Variants in LOXL1 observed in about 807,000 individuals in gnomAD.
LOXL1 encodes lysyl oxidase homolog 1.
A neutral mutation model predicts 62.2 loss-of-function variants in LOXL1; 31 were observed. That is an observed-to-expected ratio of 0.50 (90% CI 0.37 to 0.67). The LOEUF (loss-of-function observed/expected upper bound fraction) is 0.67, where lower values mean the gene tolerates loss of function less well. Among genes scored for constraint, LOXL1 ranks in the 30% least tolerant of loss-of-function variants. The pLI, the probability that LOXL1 is intolerant of heterozygous loss-of-function variation, is 0.00. For synonymous variants in LOXL1, 403 were observed against 384.4 expected (o/e 1.05, Z -0.56); for missense variants, 775 against 843.4 (o/e 0.92, Z 1.00).
intron 5 of LOXL1, among the ~76,000 whole-genome samples, 156 bp from the exon 6 acceptor site, chr15:73,949,303 T>A (rs2068768145): frequency 6.6e-6 from 1 of 152,202 alleles, no homozygotes; most frequent in South Asian, 2.1e-4. Context: ...GCCTCTTCTT[T>A]CCCCTCTGTG....
intron 5 of LOXL1, 146 bp from the exon 6 acceptor site, chr15:73,949,313 G>GTC: frequency 3.0e-6 from 2 of 664,478 alleles, no homozygotes; most frequent in Non-Finnish European, 5.5e-6. Context: ...TCCCCTCTGT[G>GTC]TCTCTCTAGC....
At chr15:73,951,102 G>T (rs2068782200) in intron 6 of LOXL1, among the ~76,000 whole-genome samples, 1 of 152,230 alleles carries the variant, frequency 6.6e-6, no homozygotes, top group South Asian at 2.1e-4. Flanking sequence ...GAAGGAAGAA[G>T]GGGGTATCCA....
intron 4 of LOXL1, chr15:73,947,452 A>G: frequency 1.9e-6 from 1 of 524,712 alleles, no homozygotes; most frequent in South Asian, 3.0e-5. Context: ...TCGTGGAGAG[A>G]AGGAAACATC....
chr15:73,939,609 G>A (rs1476085900), intron 1 of LOXL1, among the ~76,000 whole-genome samples: 1 of 152,214 alleles, frequency 6.6e-6, no homozygotes, highest in Non-Finnish European at 1.5e-5. Context: ...GGCGGAGGCG[G>A]GGAGAGGACT....
chr15:73,945,340 C>G lies in LOXL1; in HGVS notation c.1212-1077C>G, dbSNP rs2068740737. On this transcript the variant is annotated intron_variant, in intron 2 of 6. Coordinates refer to ENST00000261921, the MANE Select transcript of LOXL1 (RefSeq NM_005576.4). The surrounding 1 kb of genome is among the most constrained non-coding windows in gnomAD (Gnocchi z 4.3). ...AGATGGTATCGGGCTGTGCTGCAGT[C>G]AGTGCTGTTAGAGCTCACAGGCAAT... Among the ~76,000 whole-genome samples, 1 of 152,190 alleles carries G rather than the reference C, an allele frequency of 6.6e-6. No homozygotes were observed. The highest frequency in any genetic ancestry group is 2.1e-4 in the South Asian group (1 of 4,830).
intron 1 of LOXL1, among the ~76,000 whole-genome samples, chr15:73,941,004 C>A (rs550609471): frequency 3.3e-5 from 5 of 152,100 alleles, no homozygotes; most frequent in Admixed American, 2.0e-4. Flanking sequence ...GCTGGGTCTC[C>A]TGAGTCTTAA....
rs747730813 is a variant in LOXL1, at chr15:73,927,562, T to TGCCGCC, written c.792_797dup (p.Pro266_Pro267dup). 1.2e-5 allele frequency: 15 copies of TGCCGCC among 1,240,742 alleles called. No homozygotes were observed. Among genetic ancestry groups the TGCCGCC allele is most frequent in the Admixed American group, 1.0e-4 (4 of 39,526 alleles). The allele number at this position is 1,240,742 out of a possible 1,614,324, so 76.9% of individuals were successfully genotyped here. ...TACCCGGCCCCCGAGAGGCCCTACG[T>TGCCGCC]GCCGCCGCCGCCGCCGCCCCCCGAC... On this transcript the variant is annotated inframe_insertion, in exon 1 of 7. Coordinates refer to ENST00000261921, the MANE Select transcript of LOXL1 (RefSeq NM_005576.4).
Position 73,927,562 on chromosome 15 carries a change from T to C in LOXL1, c.779T>C (p.Val260Ala). 8.1e-7 allele frequency: 1 copy of C among 1,240,726 alleles called. No homozygotes were observed. The highest frequency in any genetic ancestry group is 1.0e-6 in the Non-Finnish European group (1 of 958,904). The allele number at this position is 1,240,726 out of a possible 1,614,324, so 76.9% of individuals were successfully genotyped here. A position where few individuals can be genotyped will look rare whatever the true frequency, so the allele number is the denominator to read the frequency against. Residue 260 changes from valine (V) to alanine (A), a missense_variant, in exon 1 of 7, where the codon GTG becomes GCG. By Grantham distance (64) the Val-to-Ala change is moderately conservative (BLOSUM62 0). Coordinates refer to ENST00000261921, the MANE Select transcript of LOXL1 (RefSeq NM_005576.4). ...GFYPAPERPY[V>A]PPPPPPPDGL... ...TACCCGGCCCCCGAGAGGCCCTACG[T>C]GCCGCCGCCGCCGCCGCCCCCCGAC...
chr15:73,947,443 C>T lies in LOXL1; in HGVS notation c.1506+220C>T, dbSNP rs557718544. The stretch of plus-strand genomic sequence containing the variant: ...CCCATGTTATTCCAGGTGATCTGCT[C>T]GTGGAGAGAAGGAAACATCGCAACA... On this transcript the variant is annotated intron_variant, in intron 4 of 6. Transcript: ENST00000261921. The T allele has an allele frequency of 6.8e-5, 36 of 530,540 alleles. No homozygotes were observed. The East Asian group carries it at 9.4e-4, about 14-fold the overall frequency. The allele number at this position is 530,540 out of a possible 1,614,324, so 32.9% of individuals were successfully genotyped here.
intron 6 of LOXL1, among the ~76,000 whole-genome samples, chr15:73,950,535 G>T (rs182765992): frequency 6.6e-6 from 1 of 151,938 alleles, no homozygotes; most frequent in Non-Finnish European, 1.5e-5. Flanking sequence ...AGGACTCAAT[G>T]TGTGACCAGG....
At chr15:73,936,124 G>A (rs567892535) in intron 1 of LOXL1, among the ~76,000 whole-genome samples, 7 of 152,094 alleles carry the variant, frequency 4.6e-5, no homozygotes, top group African/African-American at 9.7e-5. Flanking sequence ...AACCACAGAC[G>A]GCTTTAGCTG....
chr15:73,946,385 A>AACC, intron 2 of LOXL1, 32 bp from the exon 3 acceptor site: 12 of 1,458,022 alleles, frequency 8.2e-6, no homozygotes, highest in African/African-American at 1.4e-5. Flanking sequence ...CTGTGCCCCA[A>AACC]CCCCCCCTCA....
At chr15:73,950,006 A>G (rs1184453560) in intron 6 of LOXL1, among the ~76,000 whole-genome samples, 1 of 152,190 alleles carries the variant, frequency 6.6e-6, no homozygotes, top group Non-Finnish European at 1.5e-5. Flanking sequence ...TCACAGTGGC[A>G]CACAGTGAAC....
At chr15:73,951,230 G>A (rs1455951680) in intron 6 of LOXL1, among the ~76,000 whole-genome samples, 1 of 152,200 alleles carries the variant, frequency 6.6e-6, no homozygotes, top group Non-Finnish European at 1.5e-5. Context: ...CAGCCAGGAG[G>A]GCTGTCGGCA....
Position 73,947,816 on chromosome 15 carries a change from C to T in LOXL1, c.1516C>T (p.Pro506Ser), listed in dbSNP as rs976933989. The change falls in exon 5 of 7, where the codon CCA becomes TCA. Residue 506 changes from proline (P) to serine (S), a missense_variant. Physicochemically the swap from Pro to Ser is moderately conservative, Grantham distance 74 (BLOSUM62 -1). Transcript: ENST00000261921. ...ACTSHTQGLS[P>S]GCYDTYNADI... ...CTTGTCCCTTTCCCAGGGCCTGAGC[C>T]CAGGCTGCTATGACACCTACAATGC... 6 of 1,611,754 alleles carry T rather than the reference C, an allele frequency of 3.7e-6. No individual in the cohort carries two copies. Among genetic ancestry groups the T allele is most frequent in the Non-Finnish European group, 4.2e-6 (5 of 1,178,312 alleles).
chr15:73,933,938 T>A (rs1166222152), intron 1 of LOXL1, among the ~76,000 whole-genome samples: 1 of 152,244 alleles, frequency 6.6e-6, no homozygotes, highest in Admixed American at 6.5e-5. Context: ...TCGGGACTCA[T>A]GATCACAGGG....
In LOXL1 at chr15:73,926,858, G is replaced by A. The variant is rs1401337901; in HGVS notation, c.75G>A (p.Gly25=). Residue 25 remains glycine, a synonymous_variant, in exon 1 of 7, where the codon GGG becomes GGA. Transcript: ENST00000261921. ...CCTGCCTGTGCGTGCTGGTGCACGG[G>A]CAGCAGGCGCAGCCCGGGCAGGGCT... The part of the protein sequence containing the change: ...WGACLCVLVH[G]QQAQPGQGSD... 1 of 1,546,922 alleles carries A rather than the reference G, an allele frequency of 6.5e-7. No individual in the cohort carries two copies. The highest frequency in any genetic ancestry group is 2.4e-5 in the East Asian group (1 of 41,028).
intron 2 of LOXL1, among the ~76,000 whole-genome samples, chr15:73,944,939 C>T (rs549708674): frequency 5.3e-5 from 8 of 152,304 alleles, no homozygotes; most frequent in African/African-American, 1.7e-4. Context: ...GACTGGCCAC[C>T]GCTCCCCTCT....
chr15:73,936,609 G>T (rs894060527), intron 1 of LOXL1, among the ~76,000 whole-genome samples: 1 of 152,178 alleles, frequency 6.6e-6, no homozygotes, highest in African/African-American at 2.4e-5. Flanking sequence ...TCCATCATTT[G>T]CCCCTCATGA....
Sources: allele counts gnomAD v4.1 joint callset (sites outside exome capture counted in the v4.1 genomes callset), GRCh38; gene constraint gnomAD v4.1.1; non-coding constraint Gnocchi (gnomAD v3.1); transcripts MANE v1.5; gene names NCBI Gene and HGNC (gene_info 2026-07-23, HGNC 2026-07-21).